The following PHACTR1 variants were observed in gnomAD, a reference collection of about 807,000 sequenced individuals.
The protein encoded by PHACTR1 is phosphatase and actin regulator 1.
PHACTR1 carries 16 observed loss-of-function variants against 69.2 expected under a neutral mutation model. That is an observed-to-expected ratio of 0.23 (90% CI 0.16 to 0.35). The LOEUF is 0.35. Ranked by LOEUF, PHACTR1 falls within the 10% of genes least tolerant of loss-of-function variation. The pLI is 1.00. For synonymous variants in PHACTR1, 312 were observed against 284.5 expected (o/e 1.10, Z -0.97); for missense variants, 510 against 734.7 (o/e 0.69, Z 3.54).
intron 4 of PHACTR1, among the ~76,000 whole-genome samples, chr6:12,811,254 T>C (rs1182008566): frequency 6.6e-6 from 1 of 152,220 alleles, no homozygotes; most frequent in Non-Finnish European, 1.5e-5. Flanking sequence ...TAGATTACAA[T>C]TTTCCTGGTC....
intron 4 of PHACTR1, among the ~76,000 whole-genome samples, chr6:12,779,781 C>T (rs571077176): frequency 7.4e-4 from 113 of 152,214 alleles, no homozygotes; most frequent in African/African-American, 2.5e-3. Context: ...TGCCCAGCAG[C>T]GATGCAGCTA....
At chr6:12,956,206 C>T (rs946546499) in intron 4 of PHACTR1, among the ~76,000 whole-genome samples, 8 of 152,340 alleles carry the variant, frequency 5.3e-5, no homozygotes, top group African/African-American at 1.4e-4. Context: ...AACAAGCCTC[C>T]GCTGGCTGGG....
intron 4 of PHACTR1, among the ~76,000 whole-genome samples, chr6:12,870,063 T>C (rs1781870999): frequency 6.6e-6 from 1 of 151,096 alleles, no homozygotes; most frequent in South Asian, 2.1e-4. Flanking sequence ...TTGGATCGAA[T>C]GAAAGAGGAG....
intron 4 of PHACTR1, among the ~76,000 whole-genome samples, chr6:12,827,022 A>G (rs766858459): frequency 1.3e-5 from 2 of 152,220 alleles, no homozygotes; most frequent in Non-Finnish European, 2.9e-5. Context: ...TCTGTGGGAT[A>G]CCCACTTTCC....
intron 5 of PHACTR1, among the ~76,000 whole-genome samples, chr6:13,099,011 G>A (rs1172381380): frequency 6.6e-6 from 1 of 152,180 alleles, no homozygotes; most frequent in Non-Finnish European, 1.5e-5. Context: ...AACACATGAA[G>A]TCCTTGATGT....
At chr6:12,951,394 CTTAG>C (rs960042692) in intron 4 of PHACTR1, among the ~76,000 whole-genome samples, 2 of 152,192 alleles carry the variant, frequency 1.3e-5, no homozygotes, top group Admixed American at 6.5e-5. Context: ...TACAAAGACC[CTTAG>C]TTAGTCAGCC....
chr6:12,927,443 C>A (rs947252088), intron 4 of PHACTR1, among the ~76,000 whole-genome samples: 1 of 152,092 alleles, frequency 6.6e-6, no homozygotes, highest in Admixed American at 6.5e-5. Flanking sequence ...TTAAAAAAAT[C>A]TCTTATATTG....
intron 3 of PHACTR1, among the ~76,000 whole-genome samples, chr6:12,744,802 T>G (rs1765563146): frequency 6.6e-6 from 1 of 152,252 alleles, no homozygotes. Flanking sequence ...TGTGGATTCT[T>G]ATGAATTCCA....
At chr6:12,770,725 A>G (rs567552983) in intron 4 of PHACTR1, among the ~76,000 whole-genome samples, 1 of 152,310 alleles carries the variant, frequency 6.6e-6, no homozygotes, top group African/African-American at 2.4e-5. Flanking sequence ...CCATGAGAGG[A>G]AAGACAGGTG....
At position 13,275,818 on chromosome 6, in the gene PHACTR1, C is replaced by T. The variant is rs1239260219; in HGVS notation, c.1448-2450C>T. 6.6e-6 allele frequency: 1 copy of T among 152,270 alleles called. No homozygotes were observed. Among genetic ancestry groups the T allele is most frequent in the East Asian group, 1.9e-4 (1 of 5,172 alleles). 9.4% of individuals were successfully genotyped at this position (152,270 alleles called of 1,614,324 possible). A position where few individuals can be genotyped will look rare whatever the true frequency, so the allele number is the denominator to read the frequency against. The stretch of plus-strand genomic sequence containing the variant: ...GTCCCTGGTGACCCAACATCCAGAC[C>T]ACCTTTTCTTCCATCCGTTTTCCCA... On this transcript the variant is annotated intron_variant, in intron 11 of 14. Coordinates refer to ENST00000332995, the MANE Select transcript of PHACTR1 (RefSeq NM_030948.6). The surrounding 1 kb of genome is among the most constrained non-coding windows in gnomAD (Gnocchi z 4.0).
intron 4 of PHACTR1, among the ~76,000 whole-genome samples, chr6:12,773,903 G>A (rs370101856): frequency 6.6e-6 from 1 of 151,880 alleles, no homozygotes; most frequent in Admixed American, 6.6e-5. Flanking sequence ...GGATTGATTG[G>A]TTCATCAATT....
chr6:12,853,306 G>GA (rs1561946455), intron 4 of PHACTR1, among the ~76,000 whole-genome samples: 1 of 152,048 alleles, frequency 6.6e-6, no homozygotes, highest in Admixed American at 6.6e-5. Context: ...TCCTATTCAT[G>GA]GACTCAGCCT....
chr6:13,114,191 C>CTGCT lies in PHACTR1; in HGVS notation c.416-46012_416-46009dup, dbSNP rs1817469739. Among the ~76,000 whole-genome samples the CTGCT allele has an allele frequency of 2.0e-5, 3 of 152,276 alleles. No individual in the cohort carries two copies. In the South Asian group the frequency reaches 6.2e-4, roughly 32 times the overall value. On this transcript the variant is annotated intron_variant, in intron 5 of 14. Coordinates refer to ENST00000332995, the MANE Select transcript of PHACTR1 (RefSeq NM_030948.6). ...TTCTCTCCCTCTCCTCTGCCAAGAC[C>CTGCT]TGCTCTAGCTGCTCTCACTAGTTGG...
At chr6:13,218,301 A>G (rs1465102696) in intron 8 of PHACTR1, among the ~76,000 whole-genome samples, 1 of 152,186 alleles carries the variant, frequency 6.6e-6, no homozygotes, top group African/African-American at 2.4e-5. Context: ...TGGATGGGTC[A>G]CAGTGATTTC....
intron 4 of PHACTR1, among the ~76,000 whole-genome samples, chr6:12,930,969 T>A (rs533966414): frequency 7.0e-6 from 1 of 142,528 alleles, no homozygotes; most frequent in African/African-American, 2.7e-5. Flanking sequence ...GGAGACTCAC[T>A]TGAACCTGGG....
intron 5 of PHACTR1, among the ~76,000 whole-genome samples, chr6:13,123,195 G>C (rs1230966070): frequency 2.6e-5 from 4 of 152,184 alleles, no homozygotes; most frequent in African/African-American, 9.7e-5. Context: ...CCAGCTCCTG[G>C]GTGTAGGTAA....
intron 5 of PHACTR1, among the ~76,000 whole-genome samples, chr6:13,125,756 C>T (rs979780347): frequency 6.6e-6 from 1 of 151,986 alleles, no homozygotes; most frequent in African/African-American, 2.4e-5. Flanking sequence ...TGGCAAGACC[C>T]CATCTTTACT....
chr6:12,845,615 A>G (rs1779184473), intron 4 of PHACTR1, among the ~76,000 whole-genome samples: 1 of 152,012 alleles, frequency 6.6e-6, no homozygotes, highest in South Asian at 2.1e-4. Context: ...AGGTTTACCA[A>G]AAAAATACCT....
rs549339180 is a variant in PHACTR1 at position 12,894,561 on chromosome 6, C to T, written c.250+144771C>T. Among the ~76,000 whole-genome samples the T allele has an allele frequency of 4.2e-4, 64 of 152,264 alleles. No homozygotes were observed. In the South Asian group the frequency reaches 0.011, roughly 27 times the overall value. On this transcript the variant is annotated intron_variant, in intron 4 of 14. Coordinates refer to ENST00000332995, the MANE Select transcript of PHACTR1 (RefSeq NM_030948.6). Reference sequence around the variant, plus strand: ...CGGATGTAGCAGTGAGCCGAGGTCACGCCACTGCACTCCAGCCTGGGTGAC... The same window carrying T: ...CGGATGTAGCAGTGAGCCGAGGTCATGCCACTGCACTCCAGCCTGGGTGAC...
Sources: gnomAD v4.1 joint callset for allele counts (sites outside exome capture counted in the v4.1 genomes callset) on GRCh38, gnomAD v4.1.1 for gene constraint, Gnocchi (gnomAD v3.1) non-coding constraint, MANE v1.5 for transcripts, NCBI Gene and HGNC (gene_info 2026-07-23, HGNC 2026-07-21) for gene names.